The following AAMDC variants were observed in gnomAD, a reference collection of about 807,000 sequenced individuals.
The protein encoded by AAMDC is adipogenesis associated Mth938 domain containing.
A neutral mutation model predicts 15.5 loss-of-function variants in AAMDC; 16 were observed. The ratio of observed to expected loss-of-function variants is 1.03; its 90% confidence interval spans 0.70 to 1.57. The LOEUF is 1.57. Among genes scored for constraint, AAMDC ranks in the 40% most tolerant of loss-of-function variants. The pLI, the probability that AAMDC is intolerant of heterozygous loss-of-function variation, is 0.00. For missense variants in AAMDC, 141 were observed against 144.9 expected, an observed-to-expected ratio of 0.97 and a Z score of 0.14; for synonymous variants, 51 against 51.6, an observed-to-expected ratio of 0.99 and a Z score of 0.05.
At chr11:77,840,123 A>T (rs1949867482) in intron 1 of AAMDC, among the ~76,000 whole-genome samples, 2 of 151,764 alleles carry the variant, frequency 1.3e-5, no homozygotes, top group Admixed American at 1.3e-4. Context: ...CACACACAAC[A>T]CCCAGGGATT....
At chr11:77,823,077 G>C (rs374412953) in intron 1 of AAMDC, among the ~76,000 whole-genome samples, 4 of 151,956 alleles carry the variant, frequency 2.6e-5, no homozygotes, top group Non-Finnish European at 4.4e-5. Context: ...AGCCGGGCGT[G>C]GTGGCGGCGG....
intron 2 of AAMDC, among the ~76,000 whole-genome samples, chr11:77,843,869 A>C (rs1340550528): frequency 6.6e-6 from 1 of 152,176 alleles, no homozygotes; most frequent in Non-Finnish European, 1.5e-5. Context: ...GCAGAAGGCA[A>C]GGAGGAGCAA....
intron 1 of AAMDC, among the ~76,000 whole-genome samples, chr11:77,840,097 AACACACAC>A (rs10547270): frequency 2.0e-5 from 3 of 150,332 alleles, no homozygotes; most frequent in African/African-American, 4.9e-5. Flanking sequence ...GGGGACAGTA[AACACACAC>A]ACACACACAC....
rs764088544 is a variant in AAMDC at position 77,883,977 on chromosome 11, A to G, written c.328+6928A>G. On this transcript the variant is annotated intron_variant, in intron 5 of 5. Coordinates refer to the AAMDC transcript ENST00000304716. ...CCTAAAGGGTGACAGAAATGAGAAA[A>G]AGGCAGAAGCGAGAGGAGCATTTAA... 29 of 1,608,828 alleles carry G rather than the reference A, an allele frequency of 1.8e-5. No individual in the cohort carries two copies. In the Admixed American group the frequency reaches 4.9e-4, roughly 27 times the overall value.
chr11:77,879,420 T>C (rs1157778743), intron 5 of AAMDC, among the ~76,000 whole-genome samples: 4 of 152,228 alleles, frequency 2.6e-5, no homozygotes, highest in Admixed American at 2.6e-4. Context: ...CTTTATGAAC[T>C]GGGCTCAAAT....
At chr11:77,871,470 C>T (rs1220456145) in intron 3 of AAMDC, among the ~76,000 whole-genome samples, 3 of 152,118 alleles carry the variant, frequency 2.0e-5, no homozygotes, top group Admixed American at 1.3e-4. Context: ...AACTAGACAA[C>T]TTCAGATAAT....
At chr11:77,902,249 C>T (rs1324506767), downstream of AAMDC, among the ~76,000 whole-genome samples, 2 of 151,962 alleles carry the variant, frequency 1.3e-5, no homozygotes, top group African/African-American at 4.8e-5. Context: ...GAAACAGTAC[C>T]AATATCATGA....
intron 5 of AAMDC, among the ~76,000 whole-genome samples, chr11:77,896,734 A>G (rs1435203302): frequency 6.6e-6 from 1 of 151,988 alleles, no homozygotes; most frequent in Non-Finnish European, 1.5e-5. Flanking sequence ...AAGGTATAGG[A>G]AAAATAGATC....
intron 2 of AAMDC, among the ~76,000 whole-genome samples, chr11:77,844,356 TTTTC>T (rs949460349): frequency 7.2e-5 from 11 of 152,024 alleles, no homozygotes; most frequent in Admixed American, 1.3e-4. Context: ...TTTTACAGTT[TTTTC>T]TTTCTTTCTT....
rs1590910995 is a variant in AAMDC at position 77,821,548 on chromosome 11, C to G, written c.-19+307C>G. ...GTCGGAGTGAGGAGTTGGGGCCCTG[C>G]TGGGAGAAGAGGATCTGAGGAGACC... is the stretch of plus-strand genomic sequence containing the variant. On this transcript the variant is annotated intron_variant, in intron 1 of 3. Transcript: ENST00000393427. 3.3e-5 allele frequency among the ~76,000 whole-genome samples: 5 copies of G among 152,044 alleles called. No homozygotes were observed. The South Asian group carries it at 1.0e-3, about 32-fold the overall frequency.
At chr11:77,828,596 G>A (rs563152875) in intron 1 of AAMDC, among the ~76,000 whole-genome samples, 28 of 151,510 alleles carry the variant, frequency 1.8e-4, no homozygotes, top group African/African-American at 5.1e-4. Flanking sequence ...GCGTGAACCC[G>A]GGAGGTGGAG....
intron 5 of AAMDC, among the ~76,000 whole-genome samples, chr11:77,882,201 G>A (rs895607246): frequency 1.3e-5 from 2 of 152,138 alleles, no homozygotes; most frequent in African/African-American, 4.8e-5. Flanking sequence ...AAGCCACCAG[G>A]CCTGGCTGTG....
chr11:77,903,428 T>G, downstream of AAMDC: 1 of 1,607,364 alleles, frequency 6.2e-7, no homozygotes, highest in Non-Finnish European at 8.5e-7. Context: ...ATGCCACAAC[T>G]TTTCCTGCAA....
rs536812864 is a variant in AAMDC at position 77,887,214 on chromosome 11, C to T, written c.328+10165C>T. Among the ~76,000 whole-genome samples the T allele has an allele frequency of 5.3e-5, 8 of 152,306 alleles. No individual in the cohort carries two copies. The East Asian group carries it at 1.5e-3, about 29-fold the overall frequency. Reference sequence around the variant, plus strand: ...CCAAATCCAGCAGCACATCAGAAAGCTTATCCACCATGATCAAGTGGGCTT... The same window carrying T: ...CCAAATCCAGCAGCACATCAGAAAGTTTATCCACCATGATCAAGTGGGCTT... On this transcript the variant is annotated intron_variant, in intron 5 of 5. Transcript: ENST00000304716.
chr11:77,891,305 C>T (rs1021492652), intron 5 of AAMDC: 1 of 1,608,006 alleles, frequency 6.2e-7, no homozygotes, highest in African/African-American at 1.3e-5. Flanking sequence ...CATGAGGACC[C>T]AAACCCGACA....
intron 1 of AAMDC, among the ~76,000 whole-genome samples, chr11:77,837,581 G>A (rs906267662): frequency 1.3e-5 from 2 of 151,562 alleles, no homozygotes; most frequent in Non-Finnish European, 2.9e-5. Flanking sequence ...GACTACAGGT[G>A]TGCATCACTA....
Position 77,870,329 on chromosome 11 carries a change from ATTTTTTTTTTTTTTTTTT to A in AAMDC, c.228+521_228+538del, listed in dbSNP as rs965312288. ...GCTACCACGTCTGGCCTATTTTTTA[ATTTTTTTTTTTTTTTTTT>A]TTTTTTTTGAGACGGAGTCTTGTTC... is the stretch of plus-strand genomic sequence containing the variant. On this transcript the variant is annotated intron_variant, in intron 3 of 3. Transcript: ENST00000393427. Among the ~76,000 whole-genome samples the A allele has an allele frequency of 3.4e-5, 3 of 87,982 alleles. No homozygotes were observed. The Admixed American group carries it at 3.7e-4, about 11-fold the overall frequency. The allele number at this position is 87,982 out of a possible 152,430, so 57.7% of individuals were successfully genotyped here.
chr11:77,822,851 T>A (rs1948981475), intron 1 of AAMDC, among the ~76,000 whole-genome samples: 2 of 152,300 alleles, frequency 1.3e-5, no homozygotes, highest in African/African-American at 4.8e-5. Context: ...GCCACTGAAG[T>A]ATACACTTAA....
downstream of AAMDC, among the ~76,000 whole-genome samples, chr11:77,874,399 A>T (rs1951542766): frequency 6.7e-6 from 1 of 148,990 alleles, no homozygotes; most frequent in African/African-American, 2.5e-5. Flanking sequence ...GGTCAAATGT[A>T]AGGTGAGACA....
Sources: allele counts gnomAD v4.1 joint callset (sites outside exome capture counted in the v4.1 genomes callset), GRCh38; gene constraint gnomAD v4.1.1; transcripts MANE v1.5; gene names NCBI Gene and HGNC (gene_info 2026-07-23, HGNC 2026-07-21).